The following SGK1 variants were observed in gnomAD, a reference collection of about 807,000 sequenced individuals.
SGK1 encodes serine/threonine-protein kinase Sgk1.
Under a neutral mutation model 64.2 loss-of-function variants are expected in SGK1, and 26 were observed. That is an observed-to-expected ratio of 0.40 (90% CI 0.30 to 0.56). SGK1 has a LOEUF of 0.56. Ranked by LOEUF, SGK1 falls within the 20% of genes least tolerant of loss-of-function variation. The pLI, the probability that SGK1 is intolerant of heterozygous loss-of-function variation, is 0.38. For missense variants in SGK1, 519 were observed against 645.6 expected, an observed-to-expected ratio of 0.80 and a Z score of 2.12; for synonymous variants, 265 against 239.7, an observed-to-expected ratio of 1.11 and a Z score of -0.98.
intron 8 of SGK1, 64 bp downstream of exon 8, chr6:134,172,959 T>G (rs2114634696): frequency 1.9e-6 from 3 of 1,551,188 alleles, no homozygotes; most frequent in East Asian, 4.5e-5. Context: ...AACTTTTTTC[T>G]CAAACTAAAA....
At chr6:134,309,396 C>T (rs1001463272) in intron 1 of SGK1, among the ~76,000 whole-genome samples, 1 of 152,204 alleles carries the variant, frequency 6.6e-6, no homozygotes, top group Non-Finnish European at 1.5e-5. Context: ...CCTCCACCTC[C>T]TTCTCCTCCA....
At chr6:134,246,712 C>G (rs970194690) in intron 2 of SGK1, among the ~76,000 whole-genome samples, 3 of 152,082 alleles carry the variant, frequency 2.0e-5, no homozygotes, top group South Asian at 2.1e-4. Context: ...CCTGCCTCAG[C>G]CTCCTGAGTA....
intron 2 of SGK1, among the ~76,000 whole-genome samples, chr6:134,212,919 T>C (rs1274708936): frequency 2.6e-5 from 4 of 152,210 alleles, no homozygotes; most frequent in Non-Finnish European, 5.9e-5. Context: ...CTTACAGATC[T>C]CATTTACTTG....
rs528885287 is a variant in SGK1, at chr6:134,215,036, G to T, written c.286-7605C>A. On this transcript the variant is annotated intron_variant, in intron 2 of 13. Coordinates refer to ENST00000367858, the MANE Select transcript of SGK1 (RefSeq NM_001143676.3). ...ACAATTTAAACATCAGAAGATGGGG[G>T]TGTATGAGAATATCACATTTAGGGA... 257 of 455,102 alleles carry T rather than the reference G, an allele frequency of 5.6e-4. 2 individuals are homozygous for T. The highest frequency in any genetic ancestry group is 3.9e-3 in the South Asian group (249 of 64,264). 28.2% of individuals were successfully genotyped at this position (455,102 alleles called of 1,614,324 possible). A position where few individuals can be genotyped will look rare whatever the true frequency, so the allele number is the denominator to read the frequency against.
intron 2 of SGK1, among the ~76,000 whole-genome samples, chr6:134,235,375 T>C (rs1432840807): frequency 6.6e-6 from 1 of 151,848 alleles, no homozygotes; most frequent in East Asian, 1.9e-4. Context: ...ATCAAATTAC[T>C]GGAACATAGT....
At position 134,271,083 on chromosome 6, in the gene SGK1, G is replaced by A. The variant is rs1348546546; in HGVS notation, c.70-8935C>T. On this transcript the variant is annotated intron_variant, in intron 1 of 13. Coordinates refer to ENST00000367858, the MANE Select transcript of SGK1 (RefSeq NM_001143676.3). The stretch of plus-strand genomic sequence containing the variant: ...TGTCGTCCCAGTGCTTTGGGAGGCC[G>A]AGGCAGGCAGATCACCTAAGGTCAG... 5.3e-5 allele frequency among the ~76,000 whole-genome samples: 7 copies of A among 131,234 alleles called. 1 individual carries two copies. The highest frequency in any genetic ancestry group is 9.0e-5 in the Non-Finnish European group (5 of 55,350). 86.1% of individuals were successfully genotyped at this position (131,234 alleles called of 152,430 possible).
chr6:134,244,546 G>A (rs1346683917), intron 2 of SGK1, among the ~76,000 whole-genome samples: 2 of 152,116 alleles, frequency 1.3e-5, no homozygotes, highest in African/African-American at 4.8e-5. Flanking sequence ...GTCCCTCATG[G>A]CTTCCCTTGG....
chr6:134,207,290 G>C (rs895083020), intron 3 of SGK1, 66 bp downstream of exon 3: 3 of 1,014,088 alleles, frequency 3.0e-6, no homozygotes, highest in Non-Finnish European at 4.5e-6. Flanking sequence ...TTGCCTTTGT[G>C]TAGAGCTTTA....
intron 1 of SGK1, among the ~76,000 whole-genome samples, chr6:134,279,592 A>G (rs1777064629): frequency 6.6e-6 from 1 of 152,196 alleles, no homozygotes; most frequent in Non-Finnish European, 1.5e-5. Context: ...GAAAGTGGAA[A>G]TGTAGTATAT....
At chr6:134,279,455 T>TAAATAA (rs1322087019) in intron 1 of SGK1, among the ~76,000 whole-genome samples, 1 of 151,158 alleles carries the variant, frequency 6.6e-6, no homozygotes, top group African/African-American at 2.4e-5. Flanking sequence ...AATAAATAAA[T>TAAATAA]AAATAAAATA....
intron 3 of SGK1, among the ~76,000 whole-genome samples, chr6:134,206,322 C>A (rs1775767552): frequency 7.7e-6 from 1 of 130,530 alleles, no homozygotes; most frequent in African/African-American, 2.9e-5. Flanking sequence ...TCACAATCCA[C>A]AAAGCTGTAC....
intron 3 of SGK1, among the ~76,000 whole-genome samples, chr6:134,204,947 C>A (rs569189580): frequency 6.6e-6 from 1 of 151,942 alleles, no homozygotes; most frequent in South Asian, 2.1e-4. Flanking sequence ...TTCCCTCCCT[C>A]CCTCCTTTTC....
intron 1 of SGK1, among the ~76,000 whole-genome samples, chr6:134,309,682 A>AG (rs1427451684): frequency 1.3e-5 from 2 of 152,108 alleles, no homozygotes; most frequent in Non-Finnish European, 2.9e-5. Flanking sequence ...AACTTTCTTG[A>AG]GCCCCATAGA....
At chr6:134,265,348 T>G (rs1369282789) in intron 1 of SGK1, among the ~76,000 whole-genome samples, 1 of 151,706 alleles carries the variant, frequency 6.6e-6, no homozygotes, top group East Asian at 1.9e-4. Flanking sequence ...TAATCCCAGC[T>G]ACTCAGGAGG....
At chr6:134,213,285 G>A (rs1386591613) in intron 2 of SGK1, among the ~76,000 whole-genome samples, 1 of 152,080 alleles carries the variant, frequency 6.6e-6, no homozygotes, top group African/African-American at 2.4e-5. Context: ...ACTTTGGGAG[G>A]TTGAGGCAGG....
chr6:134,202,612 C>T (rs1016245667), intron 3 of SGK1, among the ~76,000 whole-genome samples: 1 of 151,872 alleles, frequency 6.6e-6, no homozygotes, highest in African/African-American at 2.4e-5. Context: ...CTCGCCACTG[C>T]ACTGCAGCCT....
chr6:134,281,100 C>A (rs1777087274), intron 1 of SGK1, among the ~76,000 whole-genome samples: 1 of 152,124 alleles, frequency 6.6e-6, no homozygotes, highest in Admixed American at 6.5e-5. Flanking sequence ...CAGATCCAAT[C>A]TTTGGAAATT....
intron 1 of SGK1, among the ~76,000 whole-genome samples, chr6:134,280,993 G>A (rs796445139): frequency 6.6e-5 from 10 of 152,176 alleles, no homozygotes; most frequent in Non-Finnish European, 1.2e-4. Flanking sequence ...ACTTAAACCC[G>A]AAAGGCAGAG....
intron 1 of SGK1, among the ~76,000 whole-genome samples, chr6:134,271,409 G>T (rs1426762347): frequency 1.4e-5 from 2 of 147,586 alleles, no homozygotes; most frequent in Non-Finnish European, 3.0e-5. Context: ...TTTAAAAAGA[G>T]AAAGTAGGAA....
Sources: allele counts gnomAD v4.1 joint callset (sites outside exome capture counted in the v4.1 genomes callset), GRCh38; gene constraint gnomAD v4.1.1; transcripts MANE v1.5; gene names NCBI Gene and HGNC (gene_info 2026-07-23, HGNC 2026-07-21).